PDIA3: variants seen among roughly 807,000 people sequenced by gnomAD.
PDIA3 encodes the protein protein disulfide isomerase family A member 3, also known as protein disulfide-isomerase A3.
PDIA3 carries 16 observed loss-of-function variants against 56.9 expected under a neutral mutation model. That is an observed-to-expected ratio of 0.28 (90% confidence interval 0.19 to 0.43). PDIA3 has a LOEUF of 0.43. Among genes scored for constraint, PDIA3 ranks in the 20% least tolerant of loss-of-function variants. The pLI, the probability that PDIA3 is intolerant of heterozygous loss-of-function variation, is 1.00. For missense variants in PDIA3, 485 were observed against 621.3 expected (o/e 0.78, Z 2.33); for synonymous variants, 192 against 216.5 (o/e 0.89, Z 0.99).
chr15:43,773,206 T>G lies in PDIA3; in HGVS notation c.*1988T>G. 6.2e-7 allele frequency: 1 copy of G among 1,613,982 alleles called. No individual in the cohort carries two copies. Among genetic ancestry groups the G allele is most frequent in the Non-Finnish European group, 8.5e-7 (1 of 1,179,976 alleles). ...GAAGGTACTCACAGCGACGCTTTTC[T>G]TCTCTGTAACTTGGGTACTGCTGCA... On this transcript the variant is annotated 3_prime_UTR_variant, in exon 13 of 13. Transcript: ENST00000300289.
At position 43,773,275 on chromosome 15, in the gene PDIA3, C is replaced by G; in HGVS notation, c.*2057C>G. 6.2e-7 allele frequency: 1 copy of G among 1,614,096 alleles called. No individual in the cohort carries two copies. Among genetic ancestry groups the G allele is most frequent in the Non-Finnish European group, 8.5e-7 (1 of 1,180,016 alleles). ...CAAAAAGTAAAAATTCTCATTCTACCTTGCTTCCGTTCCCAGACCTTGTCT... is the reference window on the plus strand; with the variant it reads ...CAAAAAGTAAAAATTCTCATTCTACGTTGCTTCCGTTCCCAGACCTTGTCT... On this transcript the variant is annotated 3_prime_UTR_variant, in exon 13 of 13. Transcript: ENST00000300289.
At chr15:43,755,377 G>A (rs747107443) in intron 2 of PDIA3, among the ~76,000 whole-genome samples, 3 of 152,148 alleles carry the variant, frequency 2.0e-5, no homozygotes, top group Non-Finnish European at 4.4e-5. Flanking sequence ...ACTGCTATGT[G>A]ATAATCACAA....
intron 1 of PDIA3, chr15:43,751,905 C>T (rs2086746838): frequency 2.1e-6 from 1 of 470,238 alleles, no homozygotes; most frequent in Admixed American, 3.4e-5. Flanking sequence ...ACAATTAACT[C>T]ATAAATCTGT....
intron 1 of PDIA3, chr15:43,751,781 GT>G (rs2086746100): frequency 7.8e-7 from 1 of 1,289,902 alleles, no homozygotes; most frequent in Non-Finnish European, 1.0e-6. Context: ...TACTTTTGTT[GT>G]TTTAATGCTC....
intron 1 of PDIA3, chr15:43,752,690 T>G (rs1050717494): frequency 2.2e-6 from 1 of 449,280 alleles, no homozygotes; most frequent in Non-Finnish European, 4.6e-6. Context: ...GTTTTAGGTG[T>G]ACAATATTTC....
intron 2 of PDIA3, among the ~76,000 whole-genome samples, chr15:43,754,446 A>C (rs1215147262): frequency 6.6e-6 from 1 of 151,850 alleles, no homozygotes; most frequent in Non-Finnish European, 1.5e-5. Flanking sequence ...AATTACTGGC[A>C]TAAGAAGTAA....
chr15:43,755,830 C>G (rs970010476), intron 2 of PDIA3, among the ~76,000 whole-genome samples: 1 of 151,656 alleles, frequency 6.6e-6, no homozygotes, highest in Non-Finnish European at 1.5e-5. Flanking sequence ...AGGAGAATGG[C>G]TTGAACCTGT....
Position 43,769,624 on chromosome 15 carries a change from A to G in PDIA3, c.1244A>G (p.Lys415Arg), listed in dbSNP as rs6413485. Reference sequence around the variant, plus strand: ...GGTCACTGTAAGAACCTGGAGCCCAAGTATAAAGAACTTGGCGAGAAGGTA... The same window carrying G: ...GGTCACTGTAAGAACCTGGAGCCCAGGTATAAAGAACTTGGCGAGAAGGTA... ...WCGHCKNLEP[K>R]YKELGEKLSK... Residue 415 changes from lysine to arginine, a missense_variant, in exon 10 of 13, where the codon AAG becomes AGG. Physicochemically the swap from Lys to Arg is conservative, Grantham distance 26. Transcript: ENST00000300289. The G allele has an allele frequency of 9.3e-5, 150 of 1,613,898 alleles. 2 individuals carry two copies. In the Admixed American group the frequency reaches 2.3e-3, roughly 25 times the overall value.
At chr15:43,753,610 T>C (rs1462318245) in intron 1 of PDIA3, among the ~76,000 whole-genome samples, 1 of 152,216 alleles carries the variant, frequency 6.6e-6, no homozygotes, top group Admixed American at 6.5e-5. Context: ...GCCAGTACTA[T>C]GGAGTCAACC....
At chr15:43,751,127 G>A (rs1334194720) in intron 1 of PDIA3, among the ~76,000 whole-genome samples, 3 of 92,090 alleles carry the variant, frequency 3.3e-5, no homozygotes, top group East Asian at 4.0e-4. Flanking sequence ...GCAAGACTCC[G>A]TCTCGAAAAA....
Position 43,770,341 on chromosome 15 carries a change from A to G in PDIA3, c.1346+12A>G. The stretch of plus-strand genomic sequence containing the variant: ...TATGAAGTCAGAGGGTAAGTGGCTT[A>G]AAACTTAACAAAAGTGTCTAGGCAA... On this transcript the variant is annotated intron_variant, in intron 11 of 12. Coordinates refer to ENST00000300289, the MANE Select transcript of PDIA3 (RefSeq NM_005313.5). 1 of 1,603,258 alleles carries G rather than the reference A, an allele frequency of 6.2e-7. No homozygotes were observed. Among genetic ancestry groups the G allele is most frequent in the Non-Finnish European group, 8.5e-7 (1 of 1,170,120 alleles).
intron 5 of PDIA3, among the ~76,000 whole-genome samples, chr15:43,765,192 A>G (rs2086840182): frequency 1.3e-5 from 2 of 152,164 alleles, no homozygotes; most frequent in African/African-American, 2.4e-5. Context: ...CCTTGGTAAC[A>G]TGATGAGACC....
intron 8 of PDIA3, among the ~76,000 whole-genome samples, chr15:43,767,498 G>A (rs1293517022): frequency 6.6e-6 from 1 of 150,868 alleles, no homozygotes; most frequent in African/African-American, 2.4e-5. Context: ...CAGATAAAGG[G>A]TGAGCACAGT....
In PDIA3 at chr15:43,771,856, C is replaced by T; in HGVS notation, c.*638C>T. On this transcript the variant is annotated 3_prime_UTR_variant, in exon 13 of 13. Transcript: ENST00000300289. ...CCCAGGCCTACCCTGGTGATTAGAA[C>T]AGCTGAAGGGCCTTTCTTGTTAGGC... 1 of 376,604 alleles carries T rather than the reference C, an allele frequency of 2.7e-6. No homozygotes were observed. Among genetic ancestry groups the T allele is most frequent in the Non-Finnish European group, 4.7e-6 (1 of 212,496 alleles). The allele number at this position is 376,604 out of a possible 1,614,324, so 23.3% of individuals were successfully genotyped here.
intron 7 of PDIA3, 56 bp from the exon 8 acceptor site, chr15:43,766,672 A>C (rs2086849094): frequency 2.8e-6 from 4 of 1,444,520 alleles, no homozygotes; most frequent in South Asian, 1.2e-5. Context: ...TCTTAGTTTC[A>C]AAAGTGCTTG....
At chr15:43,750,202 G>C (rs1450252946) in intron 1 of PDIA3, among the ~76,000 whole-genome samples, 1 of 128,446 alleles carries the variant, frequency 7.8e-6, no homozygotes, top group Admixed American at 8.4e-5. Context: ...TTTAAGTAGA[G>C]ACCAGGTTTC....
chr15:43,770,294 A>T lies in PDIA3; in HGVS notation c.1311A>T (p.Thr437=), dbSNP rs2086873263. 2 of 1,614,074 alleles carry T rather than the reference A, an allele frequency of 1.2e-6. No homozygotes were observed. The highest frequency in any genetic ancestry group is 2.7e-5 in the African/African-American group (2 of 74,950). ...PNIVIAKMDA[T]ANDVPSPYEV... is the part of the protein sequence containing the mutation. Reference sequence around the variant, plus strand: ...TCGTCATAGCCAAGATGGATGCCACAGCCAATGATGTGCCTTCTCCATATG... The same window carrying T: ...TCGTCATAGCCAAGATGGATGCCACTGCCAATGATGTGCCTTCTCCATATG... Residue 437 remains threonine, a synonymous_variant, in exon 11 of 13, where the codon ACA becomes ACT. Coordinates refer to ENST00000300289, the MANE Select transcript of PDIA3 (RefSeq NM_005313.5).
chr15:43,761,641 T>G (rs979890137), intron 4 of PDIA3, 110 bp downstream of exon 4: 1 of 612,316 alleles, frequency 1.6e-6, no homozygotes, highest in Non-Finnish European at 3.0e-6. Flanking sequence ...CTTGGGGCAG[T>G]TGAGAAGGCA....
At chr15:43,763,597 G>A (rs979703609) in intron 5 of PDIA3, among the ~76,000 whole-genome samples, 8 of 152,074 alleles carry the variant, frequency 5.3e-5, no homozygotes, top group African/African-American at 1.9e-4. Flanking sequence ...GGTTTATTGA[G>A]TACTTTCAAG....
Sources: gnomAD v4.1 joint callset for allele counts (sites outside exome capture counted in the v4.1 genomes callset) on GRCh38, gnomAD v4.1.1 for gene constraint, MANE v1.5 for transcripts, NCBI Gene and HGNC (gene_info 2026-07-23, HGNC 2026-07-21) for gene names.